Variants in ATP2B3 observed in about 807,000 individuals in gnomAD.
The protein encoded by ATP2B3 is ATPase plasma membrane Ca2+ transporting 3.
ATP2B3 carries 12 observed loss-of-function variants against 70.8 expected under a neutral mutation model. The observed-to-expected ratio is 0.17, with a 90% CI of 0.11 to 0.27. The LOEUF (loss-of-function observed/expected upper bound fraction) is 0.27. ATP2B3 is among the 10% of genes least tolerant of loss of function. The pLI is 1.00. For synonymous variants in ATP2B3, 460 were observed against 497.8 expected, an observed-to-expected ratio of 0.92 and a Z score of 1.01; for missense variants, 858 against 1,118.5, an observed-to-expected ratio of 0.77 and a Z score of 3.32.
rs1330782378 is a variant in ATP2B3, at chrX:153,556,488, C to CCAGGTTCCCAAA, written c.2326+76_2326+87dup. Reference sequence around the variant, plus strand: ...GTTGTCTGCTTCCTGACACCAAAAGCCAGGTTCCCAAACAGGTCCCCAGGG... The same window carrying CCAGGTTCCCAAA: ...GTTGTCTGCTTCCTGACACCAAAAGCCAGGTTCCCAAACAGGTTCCCAAACAGGTCCCCAGGG... On this transcript the variant is annotated intron_variant, in intron 15 of 21. Transcript: ENST00000263519. 3.9e-5 allele frequency: 42 copies of CCAGGTTCCCAAA among 1,071,302 alleles called. No homozygotes were observed. The Admixed American group carries it at 1.1e-3, about 28-fold the overall frequency. 88.3% of individuals were successfully genotyped at this position (1,071,302 alleles called of 1,213,427 possible). A position where few individuals can be genotyped will look rare whatever the true frequency, so the allele number is the denominator to read the frequency against.
intron 2 of ATP2B3, among the ~76,000 whole-genome samples, chrX:153,527,910 C>T (rs1236947454): frequency 8.9e-6 from 1 of 112,658 alleles, no homozygotes; most frequent in Non-Finnish European, 1.9e-5. Context: ...TGGAGATCTC[C>T]TGGGCTTGAA....
intron 2 of ATP2B3, among the ~76,000 whole-genome samples, chrX:153,522,273 G>A (rs2089969084): frequency 8.9e-6 from 1 of 112,653 alleles, no homozygotes; most frequent in Non-Finnish European, 1.9e-5. Flanking sequence ...TTGCTTCAGG[G>A]GAGACGACGG....
intron 2 of ATP2B3, among the ~76,000 whole-genome samples, chrX:153,525,288 G>A (rs1213528315): frequency 8.9e-6 from 1 of 112,332 alleles, no homozygotes; most frequent in Non-Finnish European, 1.9e-5. Context: ...GGGTTAAGGC[G>A]CATGGAGTGG....
chrX:153,569,926 G>A, intron 21 of ATP2B3: 2 of 527,393 alleles, frequency 3.8e-6, no homozygotes, highest in Non-Finnish European at 6.0e-6. Flanking sequence ...TCTCTCGAAA[G>A]CCATATTCTT....
At chrX:153,538,279 C>T (rs2124391728) in intron 3 of ATP2B3, among the ~76,000 whole-genome samples, 1 of 113,377 alleles carries the variant, frequency 8.8e-6, no homozygotes, top group Admixed American at 9.2e-5. Context: ...AGCCCCATGC[C>T]AATCCCCTGA....
At chrX:153,565,888 G>A (rs2090700574) in intron 21 of ATP2B3, among the ~76,000 whole-genome samples, 1 of 112,624 alleles carries the variant, frequency 8.9e-6, no homozygotes, top group South Asian at 3.6e-4. Flanking sequence ...CCGGCTCGTG[G>A]GGTCGGGCTG....
rs782443559 is a variant in ATP2B3, at chrX:153,580,176, CA to C, written c.3542del (p.Gln1181ArgfsTer6). The C allele has an allele frequency of 2.5e-6, 3 of 1,203,752 alleles. No individual in the cohort carries two copies. The African/African-American group carries it at 5.4e-5, about 22-fold the overall frequency. ...GGCCCCCCCGCCCCCGTCCCCCAAC[CA>C]GAACAACAACGCCATAGACAGCGGC... ...LRAPPPPSPN[Q>X]NNNAIDSGIY... On this transcript the variant is annotated frameshift_variant, in exon 22 of 22. Transcript: ENST00000263519. LOFTEE classifies it high-confidence loss of function.
At chrX:153,555,196 C>G (rs782548672) in intron 13 of ATP2B3, among the ~76,000 whole-genome samples, 6 of 110,904 alleles carry the variant, frequency 5.4e-5, no homozygotes, top group Non-Finnish European at 7.6e-5. Flanking sequence ...CCAGCTGTCT[C>G]CCTGGCAAAG....
intron 21 of ATP2B3, among the ~76,000 whole-genome samples, chrX:153,578,231 C>G (rs782211375): frequency 7.1e-4 from 80 of 112,526 alleles, no homozygotes; most frequent in African/African-American, 2.4e-3. Flanking sequence ...CCCAGAAAAC[C>G]AAATCCTAGG....
At chrX:153,577,846 C>A (rs1195875129) in intron 21 of ATP2B3, among the ~76,000 whole-genome samples, 4 of 111,197 alleles carry the variant, frequency 3.6e-5, no homozygotes, top group Non-Finnish European at 5.7e-5. Context: ...TCTCGAACAC[C>A]TGAGCTCAAG....
Position 153,560,674 on chromosome X carries a change from A to G in ATP2B3, c.2840-2A>G, listed in dbSNP as rs2090611579. ...GCCTGAGTGGGGAATGTTGCTTTCCAGGGGAGCTCTTCTTCGACATCGACA... is the reference window on the plus strand; with the variant it reads ...GCCTGAGTGGGGAATGTTGCTTTCCGGGGGAGCTCTTCTTCGACATCGACA... On this transcript the variant is annotated splice_acceptor_variant, in intron 18 of 21. Coordinates refer to ENST00000263519, the MANE Select transcript of ATP2B3 (RefSeq NM_001001344.3). LOFTEE classifies it high-confidence loss of function. The G allele has an allele frequency of 8.3e-7, 1 of 1,209,752 alleles. No homozygotes were observed. The highest frequency in any genetic ancestry group is 1.1e-6 in the Non-Finnish European group (1 of 894,973).
intron 7 of ATP2B3, among the ~76,000 whole-genome samples, chrX:153,545,076 C>T (rs2090344149): frequency 1.1e-5 from 1 of 93,589 alleles, no homozygotes; most frequent in Admixed American, 1.2e-4. Context: ...ATGCCCCACC[C>T]CTGGCTGAGT....
At chrX:153,555,972 A>T in intron 13 of ATP2B3, 77 bp from the exon 14 acceptor site, 1 of 1,137,537 alleles carries the variant, frequency 8.8e-7, no homozygotes, top group Non-Finnish European at 1.2e-6. Flanking sequence ...TGCAGATCTG[A>T]TGGAGGAAGG....
chrX:153,539,598 C>T (rs782591259), intron 3 of ATP2B3, among the ~76,000 whole-genome samples: 13 of 113,349 alleles, frequency 1.1e-4, no homozygotes, highest in Non-Finnish European at 9.4e-5. Context: ...TCATCCCGTC[C>T]CTGCAGCAGA....
At position 153,580,630 on chromosome X, in the gene ATP2B3, A is replaced by G; in HGVS notation, c.*332A>G. 2 of 236,417 alleles carry G rather than the reference A, an allele frequency of 8.5e-6. No homozygotes were observed. Among genetic ancestry groups the G allele is most frequent in the Non-Finnish European group, 1.5e-5 (2 of 130,439 alleles). 19.5% of individuals were successfully genotyped at this position (236,417 alleles called of 1,213,427 possible). A position where few individuals can be genotyped will look rare whatever the true frequency, so the allele number is the denominator to read the frequency against. ...GAAAGTGCGAAGAGCTGAGTTCCCC[A>G]CCTTTTTTTCTATTGATGCTTCTTT... On this transcript the variant is annotated 3_prime_UTR_variant, in exon 22 of 22. Coordinates refer to ENST00000263519, the MANE Select transcript of ATP2B3 (RefSeq NM_001001344.3).
chrX:153,550,549 AT>A (rs1346640080), intron 12 of ATP2B3, among the ~76,000 whole-genome samples: 2 of 111,184 alleles, frequency 1.8e-5, no homozygotes. Context: ...GTCTGTATGG[AT>A]TTGCCTGTCT....
At position 153,563,018 on chromosome X, in the gene ATP2B3, C is replaced by T. The variant is rs186021813; in HGVS notation, c.3159+776C>T. Among the ~76,000 whole-genome samples, 6 of 111,330 alleles carry T rather than the reference C, an allele frequency of 5.4e-5. No individual in the cohort carries two copies. The East Asian group carries it at 8.4e-4, about 16-fold the overall frequency. On this transcript the variant is annotated intron_variant, in intron 20 of 21. Transcript: ENST00000263519. ...TAATCCAGTAGGATCAGGGCCCCAC[C>T]TTGGTGACCTCATTTAACCTTGATC...
At chrX:153,520,764 A>C in intron 2 of ATP2B3, among the ~76,000 whole-genome samples, 1 of 112,246 alleles carries the variant, frequency 8.9e-6, no homozygotes. Flanking sequence ...TGTAGCCATT[A>C]GTTCCTGTAT....
At chrX:153,547,150 T>C (rs1379279850) in intron 8 of ATP2B3, among the ~76,000 whole-genome samples, 1 of 110,991 alleles carries the variant, frequency 9.0e-6, no homozygotes, top group African/African-American at 3.3e-5. Context: ...AGGATTACTC[T>C]GGGCCGTGGA....
Sources: allele counts gnomAD v4.1 joint callset (sites outside exome capture counted in the v4.1 genomes callset), GRCh38; gene constraint gnomAD v4.1.1; transcripts MANE v1.5; gene names NCBI Gene and HGNC (gene_info 2026-07-23, HGNC 2026-07-21).